Variants in PID1 observed in about 807,000 individuals in gnomAD.
PID1 encodes the protein PTB-containing, cubilin and LRP1-interacting protein.
In PID1, 10 loss-of-function variants were observed where a neutral mutation model predicts 19.1. The observed-to-expected ratio is 0.52, with a 90% CI of 0.32 to 0.89. The LOEUF (loss-of-function observed/expected upper bound fraction) is 0.89. Ranked by LOEUF, PID1 falls within the 40% of genes least tolerant of loss-of-function variation. The pLI, the probability that PID1 is intolerant of heterozygous loss-of-function variation, is 0.03. For synonymous variants in PID1, 130 were observed against 116.0 expected (o/e 1.12, Z -0.78); for missense variants, 248 against 285.3 (o/e 0.87, Z 0.94).
chr2:229,187,645 G>A lies in PID1; in HGVS notation c.31-31681C>T, dbSNP rs180884585. Among the ~76,000 whole-genome samples, 138 of 152,184 alleles carry A rather than the reference G, an allele frequency of 9.1e-4. 1 individual carries two copies. Among genetic ancestry groups the A allele is most frequent in the African/African-American group, 3.0e-3 (125 of 41,508 alleles). On this transcript the variant is annotated intron_variant, in intron 1 of 2. Coordinates refer to ENST00000392055, the MANE Select transcript of PID1 (RefSeq NM_001100818.2). ...CAAGATGAGATTTGGATGGGGACAC[G>A]GCCAAACCATATCACTCCCTTATTT...
intron 1 of PID1, among the ~76,000 whole-genome samples, chr2:229,194,454 T>G (rs1691328776): frequency 6.6e-6 from 1 of 151,858 alleles, no homozygotes; most frequent in South Asian, 2.1e-4. Context: ...TAAAAATCAT[T>G]TTCAAATTCA....
At chr2:229,224,599 T>C (rs1040273126) in intron 1 of PID1, among the ~76,000 whole-genome samples, 3 of 152,188 alleles carry the variant, frequency 2.0e-5, no homozygotes, top group African/African-American at 7.2e-5. Flanking sequence ...TATTATTTAT[T>C]CACTTCTTTT....
chr2:229,065,724 A>AAAC (rs1404969362), intron 2 of PID1, among the ~76,000 whole-genome samples: 1 of 151,070 alleles, frequency 6.6e-6, no homozygotes, highest in Non-Finnish European at 1.5e-5. Context: ...AAAAAAAAAA[A>AAAC]AAAAAAAACA....
At chr2:229,110,285 C>G (rs1237988110) in intron 2 of PID1, among the ~76,000 whole-genome samples, 1 of 152,122 alleles carries the variant, frequency 6.6e-6, no homozygotes, top group Non-Finnish European at 1.5e-5. Context: ...GTGATGAAAG[C>G]CCACCACCAC....
intron 2 of PID1, among the ~76,000 whole-genome samples, chr2:229,038,778 G>A (rs146713169): frequency 7.9e-5 from 12 of 152,248 alleles, no homozygotes; most frequent in African/African-American, 2.9e-4. Flanking sequence ...CCCTTTATGA[G>A]GCAGAAAGGG....
Position 229,147,366 on chromosome 2 carries a change from A to ATTCAGCAT in PID1, c.177+8444_177+8451dup, listed in dbSNP as rs532525181. Among the ~76,000 whole-genome samples the ATTCAGCAT allele has an allele frequency of 4.7e-3, 723 of 152,274 alleles. 8 individuals are homozygous for ATTCAGCAT. Among genetic ancestry groups the ATTCAGCAT allele is most frequent in the African/African-American group, 0.016 (683 of 41,570 alleles). On this transcript the variant is annotated intron_variant, in intron 2 of 2. Transcript: ENST00000392055. ...AAAACTAATTTAAAAAGTATTACTC[A>ATTCAGCAT]TTCAGCATTAAAAATTTAGATAATG...
chr2:229,199,448 T>C (rs1691445291), intron 1 of PID1, among the ~76,000 whole-genome samples: 1 of 152,044 alleles, frequency 6.6e-6, no homozygotes, highest in Non-Finnish European at 1.5e-5. Flanking sequence ...TGGGTACCAT[T>C]GTTCTAGTAC....
At chr2:229,117,724 A>G (rs986231474) in intron 2 of PID1, among the ~76,000 whole-genome samples, 2 of 152,052 alleles carry the variant, frequency 1.3e-5, no homozygotes, top group Non-Finnish European at 2.9e-5. Context: ...AAACATGACA[A>G]GATCCTTGCT....
At chr2:229,162,454 G>A (rs1184417378) in intron 1 of PID1, among the ~76,000 whole-genome samples, 2 of 152,206 alleles carry the variant, frequency 1.3e-5, no homozygotes, top group African/African-American at 4.8e-5. Flanking sequence ...TATTTAGAGG[G>A]AAGGCATTAA....
intron 1 of PID1, among the ~76,000 whole-genome samples, chr2:229,236,987 T>C (rs6757548): frequency 0.015 from 1,576 of 107,836 alleles, 49 homozygotes; most frequent in East Asian, 0.042. Context: ...TACACACACA[T>C]ACACACACAC....
At chr2:229,086,353 C>A (rs1189846549) in intron 2 of PID1, among the ~76,000 whole-genome samples, 1 of 152,112 alleles carries the variant, frequency 6.6e-6, no homozygotes, top group Non-Finnish European at 1.5e-5. Context: ...AATCATTTGA[C>A]ACAAGGCCTG....
At chr2:229,213,240 A>C (rs1208747780) in intron 1 of PID1, among the ~76,000 whole-genome samples, 1 of 152,130 alleles carries the variant, frequency 6.6e-6, no homozygotes, top group Non-Finnish European at 1.5e-5. Flanking sequence ...TAAGTTAGAT[A>C]AACAGGCAGA....
chr2:229,139,005 AAG>A (rs763032561), intron 2 of PID1, among the ~76,000 whole-genome samples: 8 of 95,356 alleles, frequency 8.4e-5, no homozygotes, highest in Admixed American at 1.0e-4. Flanking sequence ...GAAAGAAAGA[AAG>A]AAAGAAAGAA....
intron 2 of PID1, among the ~76,000 whole-genome samples, chr2:229,112,182 T>G (rs1475117717): frequency 6.6e-6 from 1 of 152,226 alleles, no homozygotes; most frequent in South Asian, 2.1e-4. Flanking sequence ...TTCACACTGA[T>G]CCACATAAAC....
intron 1 of PID1, among the ~76,000 whole-genome samples, chr2:229,204,204 C>T (rs150215678): frequency 1.2e-4 from 18 of 152,098 alleles, no homozygotes; most frequent in African/African-American, 4.3e-4. Context: ...GCTAGAGCTG[C>T]TGATCAGGGG....
intron 1 of PID1, among the ~76,000 whole-genome samples, chr2:229,203,805 A>G (rs2106242928): frequency 6.6e-6 from 1 of 152,182 alleles, no homozygotes; most frequent in South Asian, 2.1e-4. Flanking sequence ...CCCTTCTCCA[A>G]GCATGGAGAC....
intron 2 of PID1, among the ~76,000 whole-genome samples, chr2:229,150,717 T>TA (rs538356344): frequency 9.8e-4 from 150 of 152,296 alleles, no homozygotes; most frequent in African/African-American, 3.3e-3. Context: ...TATTTTGCTT[T>TA]AACAGTATAA....
At chr2:229,058,593 G>C (rs1417284528) in intron 2 of PID1, among the ~76,000 whole-genome samples, 1 of 152,112 alleles carries the variant, frequency 6.6e-6, no homozygotes, top group Non-Finnish European at 1.5e-5. Flanking sequence ...TGAAACTACA[G>C]CTCTTGGCCA....
chr2:229,200,348 T>C (rs955033108), intron 1 of PID1, among the ~76,000 whole-genome samples: 8 of 152,004 alleles, frequency 5.3e-5, no homozygotes, highest in African/African-American at 1.9e-4. Context: ...TGCATCCCAA[T>C]AGTTTGTTTT....
Sources: gnomAD v4.1 joint callset for allele counts (sites outside exome capture counted in the v4.1 genomes callset) on GRCh38, gnomAD v4.1.1 for gene constraint, MANE v1.5 for transcripts, NCBI Gene and HGNC (gene_info 2026-07-23, HGNC 2026-07-21) for gene names.